KLRG1: variants seen among roughly 807,000 people sequenced by gnomAD.
KLRG1 encodes the protein killer cell lectin like receptor G1, also known as killer cell lectin-like receptor subfamily G member 1.
Under a neutral mutation model 21.8 loss-of-function variants are expected in KLRG1, and 16 were observed. The ratio of observed to expected loss-of-function variants is 0.73; its 90% CI spans 0.50 to 1.11. KLRG1 has a LOEUF of 1.11. Ranked by LOEUF, KLRG1 falls within the 50% of genes most tolerant of loss-of-function variation. The pLI is 0.00. For missense variants in KLRG1, 173 were observed against 218.3 expected, an observed-to-expected ratio of 0.79 and a Z score of 1.31; for synonymous variants, 69 against 75.9, an observed-to-expected ratio of 0.91 and a Z score of 0.47.
At chr12:9,155,138 T>C in the KLRG1 span, among the ~76,000 whole-genome samples, 1 of 152,318 alleles carries the variant, frequency 6.6e-6, no homozygotes, top group Non-Finnish European at 1.5e-5. Context: ...AGAGTTCTTT[T>C]ATTGTTCGTG....
the KLRG1 span, among the ~76,000 whole-genome samples, chr12:9,017,004 A>T: frequency 3.3e-5 from 5 of 152,190 alleles, no homozygotes; most frequent in East Asian, 9.7e-4. Flanking sequence ...CCAAAGACAC[A>T]CTTTAAAAAA....
intron 3 of KLRG1, among the ~76,000 whole-genome samples, chr12:9,001,354 A>G (rs1947301489): frequency 6.6e-6 from 1 of 152,200 alleles, no homozygotes; most frequent in Non-Finnish European, 1.5e-5. Flanking sequence ...AGGGTTCCCC[A>G]GTGCCTGGCT....
chr12:9,043,292 A>T, the KLRG1 span, among the ~76,000 whole-genome samples: 7 of 152,146 alleles, frequency 4.6e-5, no homozygotes, highest in Admixed American at 4.6e-4. Context: ...TGGCCAGGCT[A>T]GTCTTGAACT....
the KLRG1 span, among the ~76,000 whole-genome samples, chr12:9,081,773 C>T: frequency 6.6e-6 from 1 of 152,158 alleles, no homozygotes; most frequent in Non-Finnish European, 1.5e-5. Flanking sequence ...TCTCAGGAAG[C>T]CCACTCTGGT....
chr12:9,169,496 G>A, the KLRG1 span: 48 of 1,612,746 alleles, frequency 3.0e-5, no homozygotes, highest in Non-Finnish European at 3.6e-5. Flanking sequence ...CATTATGAAT[G>A]AAGAAAGGAC....
the KLRG1 span, among the ~76,000 whole-genome samples, chr12:9,059,246 C>A: frequency 2.0e-5 from 3 of 152,224 alleles, no homozygotes; most frequent in Admixed American, 1.3e-4. Flanking sequence ...TACTTAAAGA[C>A]TATGCCAATG....
the KLRG1 span, chr12:9,072,827 GGC>G: frequency 6.2e-7 from 1 of 1,614,098 alleles, no homozygotes; most frequent in Non-Finnish European, 8.5e-7. Flanking sequence ...TGGTAAATGT[GGC>G]TGCTCCATAT....
At chr12:9,109,787 T>G in the KLRG1 span, 1 of 1,392,846 alleles carries the variant, frequency 7.2e-7, no homozygotes, top group Non-Finnish European at 9.7e-7. Context: ...ATGGAAAGAC[T>G]CCAAATGAAC....
At chr12:8,960,478 GTTC>G (rs1946364754) in intron 1 of KLRG1, among the ~76,000 whole-genome samples, 1 of 152,178 alleles carries the variant, frequency 6.6e-6, no homozygotes, top group Non-Finnish European at 1.5e-5. Flanking sequence ...GTGGAAAGAT[GTTC>G]TTAATATATG....
chr12:9,057,531 C>A, the KLRG1 span: 2 of 152,606 alleles, frequency 1.3e-5, no homozygotes, highest in South Asian at 2.1e-4. Flanking sequence ...AAGAAAAAAA[C>A]CCCAAACACA....
chr12:8,974,980 C>T (rs889999552), intron 1 of KLRG1, among the ~76,000 whole-genome samples: 3 of 151,926 alleles, frequency 2.0e-5, no homozygotes, highest in Non-Finnish European at 4.4e-5. Context: ...ACTGCAACCT[C>T]TGCCTCCCAG....
At chr12:9,025,512 C>T in the KLRG1 span, among the ~76,000 whole-genome samples, 2 of 152,204 alleles carry the variant, frequency 1.3e-5, no homozygotes, top group African/African-American at 4.8e-5. Context: ...TAGCACATGC[C>T]TGTAGTCCCA....
At chr12:9,080,115 G>T in the KLRG1 span, 1 of 1,588,548 alleles carries the variant, frequency 6.3e-7, no homozygotes, top group East Asian at 2.3e-5. Flanking sequence ...ACAGAAGCTC[G>T]GGCAGATTCT....
At chr12:9,201,861 G>A in the KLRG1 span, among the ~76,000 whole-genome samples, 3 of 151,770 alleles carry the variant, frequency 2.0e-5, no homozygotes, top group East Asian at 5.8e-4. Flanking sequence ...GTTGAAAAAA[G>A]GGAAATTCAA....
chr12:9,083,855 G>A, the KLRG1 span, among the ~76,000 whole-genome samples: 3 of 150,478 alleles, frequency 2.0e-5, no homozygotes, highest in Admixed American at 1.3e-4. Flanking sequence ...AAATTCAAAT[G>A]AAAGAACTGC....
chr12:8,997,392 C>A (rs1294370659), intron 3 of KLRG1, among the ~76,000 whole-genome samples: 1 of 152,084 alleles, frequency 6.6e-6, no homozygotes, highest in Non-Finnish European at 1.5e-5. Flanking sequence ...GTCTGTTGTT[C>A]TAGTGTTATT....
the KLRG1 span, among the ~76,000 whole-genome samples, chr12:9,083,371 C>G: frequency 2.7e-5 from 4 of 150,934 alleles, no homozygotes; most frequent in Admixed American, 6.6e-5. Flanking sequence ...CACATGTACC[C>G]TAGAACTTAA....
the KLRG1 span, among the ~76,000 whole-genome samples, chr12:9,125,245 T>C: frequency 2.0e-5 from 3 of 152,350 alleles, no homozygotes; most frequent in East Asian, 1.9e-4. Flanking sequence ...GGGTCTCCTC[T>C]GAGCTGTTCT....
the KLRG1 span, among the ~76,000 whole-genome samples, chr12:9,209,709 G>C: frequency 6.6e-6 from 1 of 151,928 alleles, no homozygotes; most frequent in Non-Finnish European, 1.5e-5. Flanking sequence ...CCAATGTTGT[G>C]GGATTAGGAA....
Sources: gnomAD v4.1 joint callset for allele counts (sites outside exome capture counted in the v4.1 genomes callset) on GRCh38, gnomAD v4.1.1 for gene constraint, MANE v1.5 for transcripts, NCBI Gene and HGNC (gene_info 2026-07-23, HGNC 2026-07-21) for gene names.